Variants in KDM1A observed in about 807,000 individuals in gnomAD.
KDM1A encodes lysine demethylase 1A.
In KDM1A, 49 loss-of-function variants were observed where a neutral mutation model predicts 109.4. The observed-to-expected ratio is 0.45, with a 90% CI of 0.36 to 0.57. The LOEUF (loss-of-function observed/expected upper bound fraction) is 0.57, where lower values mean the gene tolerates loss of function less well. Ranked by LOEUF, KDM1A falls within the 20% of genes least tolerant of loss-of-function variation. KDM1A has a pLI of 0.00. For missense variants in KDM1A, 668 were observed against 1,116.6 expected (o/e 0.60, Z 5.73); for synonymous variants, 380 against 415.4 (o/e 0.91, Z 1.04).
chr1:23,069,193 A>G (rs753288804), intron 12 of KDM1A, 42 bp downstream of exon 12: 52 of 1,256,356 alleles, frequency 4.1e-5, no homozygotes, highest in Non-Finnish European at 5.6e-5. Flanking sequence ...AAGCTTTAAT[A>G]GGAGAAAAAG....
Position 23,057,502 on chromosome 1 carries a change from G to A in KDM1A, c.1009G>A (p.Val337Ile), listed in dbSNP as rs1415695856. 2 of 1,613,848 alleles carry A rather than the reference G, an allele frequency of 1.2e-6. No individual in the cohort carries two copies. Among genetic ancestry groups the A allele is most frequent in the Admixed American group, 3.3e-5 (2 of 59,974 alleles). Reference protein sequence around the residue: ...LEARDRVGGRVATFRKGNYVA... With the variant: ...LEARDRVGGRIATFRKGNYVA... ...GAAACAGGATCGTGTGGGTGGACGA[G>A]TTGCCACATTTCGCAAAGGAAACTA... Residue 337 changes from valine (V) to isoleucine (I), a missense_variant, in exon 8 of 21, where the codon GTT (valine) becomes ATT (isoleucine). Val to Ile is a conservative substitution (Grantham distance 29). This residue lies in a region of KDM1A where 53 missense variants were observed against 122.5 expected (regional missense o/e 0.43). Transcript: ENST00000400181.
chr1:23,035,124 A>G (rs1481714183), intron 2 of KDM1A, among the ~76,000 whole-genome samples: 1 of 152,216 alleles, frequency 6.6e-6, no homozygotes, highest in Non-Finnish European at 1.5e-5. Flanking sequence ...TTTGTACCAG[A>G]GGAAGCCCTC....
intron 5 of KDM1A, among the ~76,000 whole-genome samples, chr1:23,054,410 TAAATC>T (rs933546136): frequency 6.6e-6 from 1 of 152,154 alleles, no homozygotes; most frequent in Non-Finnish European, 1.5e-5. Context: ...AATTAAAAAT[TAAATC>T]AATACAATTC....
chr1:23,064,790 A>G (rs1643114923), intron 9 of KDM1A, among the ~76,000 whole-genome samples: 1 of 152,224 alleles, frequency 6.6e-6, no homozygotes, highest in African/African-American at 2.4e-5. Flanking sequence ...TACAGGACCA[A>G]GACAATCAGG....
chr1:23,069,300 G>A lies in KDM1A; in HGVS notation c.1413+149G>A, dbSNP rs1027483550. 2.1e-4 allele frequency: 113 copies of A among 549,192 alleles called. No homozygotes were observed. In the East Asian group the frequency reaches 3.2e-3, roughly 16 times the overall value. The allele number at this position is 549,192 out of a possible 1,614,324, so 34.0% of individuals were successfully genotyped here. A position where few individuals can be genotyped will look rare whatever the true frequency, so the allele number is the denominator to read the frequency against. On this transcript the variant is annotated intron_variant, in intron 12 of 20. Transcript: ENST00000400181. ...CATTCTTAAGAAAATAATGACTAAC[G>A]AAAGAGACTGTTTTATCTGTCAGTC...
chr1:23,081,608 G>A, intron 19 of KDM1A, 35 bp downstream of exon 19: 1 of 1,612,060 alleles, frequency 6.2e-7, no homozygotes, highest in Non-Finnish European at 8.5e-7. Context: ...GGGATCTAGG[G>A]TTCAGACTCA....
intron 9 of KDM1A, among the ~76,000 whole-genome samples, chr1:23,060,958 A>T (rs1642982475): frequency 2.0e-5 from 3 of 152,260 alleles, no homozygotes; most frequent in Admixed American, 2.0e-4. Flanking sequence ...AGTAAAGATT[A>T]ATCACTGATC....
chr1:23,054,094 T>C (rs767338496), intron 5 of KDM1A, among the ~76,000 whole-genome samples: 1 of 152,214 alleles, frequency 6.6e-6, no homozygotes, highest in Non-Finnish European at 1.5e-5. Flanking sequence ...TGTCCAGCTT[T>C]GATCCATGGA....
At chr1:23,077,558 G>A (rs1643502121) in intron 16 of KDM1A, among the ~76,000 whole-genome samples, 198 bp downstream of exon 16, 1 of 152,146 alleles carries the variant, frequency 6.6e-6, no homozygotes, top group African/African-American at 2.4e-5. Context: ...GGAAATCGAA[G>A]CAAGTTTTAG....
chr1:23,035,148 G>A (rs879267522), intron 2 of KDM1A, among the ~76,000 whole-genome samples: 1 of 152,148 alleles, frequency 6.6e-6, no homozygotes, highest in Non-Finnish European at 1.5e-5. Flanking sequence ...TCTATTATAT[G>A]TGGTAATTTT....
At chr1:23,082,193 GACT>G (rs1643640539) in intron 19 of KDM1A, 24 bp from the exon 20 acceptor site, 14 of 1,610,110 alleles carry the variant, frequency 8.7e-6, no homozygotes, top group Non-Finnish European at 1.2e-5. Flanking sequence ...GTCTCGTAAT[GACT>G]TTTGCTCCTG....
chr1:23,078,592 G>A (rs1643533445), intron 16 of KDM1A, among the ~76,000 whole-genome samples: 1 of 152,156 alleles, frequency 6.6e-6, no homozygotes, highest in African/African-American at 2.4e-5. Flanking sequence ...TCTTCTGTTG[G>A]TCGATAGTGA....
intron 15 of KDM1A, 91 bp from the exon 16 acceptor site, chr1:23,077,137 G>C: frequency 8.1e-7 from 1 of 1,232,636 alleles, no homozygotes; most frequent in Non-Finnish European, 1.1e-6. Context: ...GTTTCCACAA[G>C]CTTGTGTTTT....
At chr1:23,032,644 G>T (rs1467565203) in intron 2 of KDM1A, among the ~76,000 whole-genome samples, 8 of 151,424 alleles carry the variant, frequency 5.3e-5, no homozygotes, top group Non-Finnish European at 1.2e-4. Context: ...TGTTTTTTTT[G>T]AAAATTTCTG....
chr1:23,065,717 TTTG>T (rs542649884), intron 9 of KDM1A, among the ~76,000 whole-genome samples: 31 of 152,050 alleles, frequency 2.0e-4, no homozygotes, highest in African/African-American at 5.8e-4. Flanking sequence ...TTTGTTTGAT[TTTG>T]TTGTTGTTGT....
At chr1:23,055,337 AAT>A (rs1457711680) in intron 6 of KDM1A, 176 bp downstream of exon 6, 1 of 334,404 alleles carries the variant, frequency 3.0e-6, no homozygotes, top group Admixed American at 4.6e-5. Context: ...AATAATAAAA[AAT>A]ATAGTCTCTT....
Position 23,071,320 on chromosome 1 carries a change from A to G in KDM1A, c.1509A>G (p.Leu503=), listed in dbSNP as rs778453596. ...CCAGAGATATTACTGCCGAGTTCTT[A>G]GTGAAAAGCAAACACAGGGATCTGA... The part of the protein sequence containing the change: ...KPPRDITAEF[L]VKSKHRDLTA... Residue 503 remains leucine (L), a synonymous_variant, in exon 13 of 21, where the codon TTA becomes TTG. Transcript: ENST00000400181. 1 of 1,613,580 alleles carries G rather than the reference A, an allele frequency of 6.2e-7. No individual in the cohort carries two copies. The highest frequency in any genetic ancestry group is 8.5e-7 in the Non-Finnish European group (1 of 1,179,836).
At chr1:23,055,637 TATTAACAA>T (rs1642809470) in intron 6 of KDM1A, among the ~76,000 whole-genome samples, 1 of 152,226 alleles carries the variant, frequency 6.6e-6, no homozygotes, top group Non-Finnish European at 1.5e-5. Context: ...TGAAGCAGAT[TATTAACAA>T]ATTAACTAAG....
rs201973427 is a variant in KDM1A, at chr1:23,055,203, G to A, written c.883+42G>A. 4.5e-4 allele frequency: 572 copies of A among 1,257,870 alleles called. 2 individuals carry two copies. The highest frequency in any genetic ancestry group is 3.6e-3 in the Middle Eastern group (19 of 5,234). The allele number at this position is 1,257,870 out of a possible 1,614,324, so 77.9% of individuals were successfully genotyped here. A position where few individuals can be genotyped will look rare whatever the true frequency, so the allele number is the denominator to read the frequency against. On this transcript the variant is annotated intron_variant, in intron 6 of 20. Coordinates refer to ENST00000400181, the MANE Select transcript of KDM1A (RefSeq NM_001009999.3). The stretch of plus-strand genomic sequence containing the variant: ...TGGCTGATAAATTTTACATTTTTAA[G>A]TTACGGTTTCAGGACTGTATTTTAT...
Sources: gnomAD v4.1 joint callset for allele counts (sites outside exome capture counted in the v4.1 genomes callset) on GRCh38, gnomAD v4.1.1 for gene constraint, gnomAD v4.1.1 regional missense constraint, MANE v1.5 for transcripts, NCBI Gene and HGNC (gene_info 2026-07-23, HGNC 2026-07-21) for gene names.